The following PLXDC2 variants were observed in gnomAD, a reference collection of about 807,000 sequenced individuals.
PLXDC2 encodes the protein plexin domain containing 2.
A neutral mutation model predicts 68.9 loss-of-function variants in PLXDC2; 40 were observed. The observed-to-expected ratio is 0.58, with a 90% CI of 0.45 to 0.76. PLXDC2 has a LOEUF of 0.76. PLXDC2 is among the 30% of genes least tolerant of loss of function. The pLI, the probability that PLXDC2 is intolerant of heterozygous loss-of-function variation, is 0.00. For missense variants in PLXDC2, 644 were observed against 661.9 expected, an observed-to-expected ratio of 0.97 and a Z score of 0.30; for synonymous variants, 243 against 234.2, an observed-to-expected ratio of 1.04 and a Z score of -0.34.
intron 1 of PLXDC2, among the ~76,000 whole-genome samples, chr10:19,874,827 G>A (rs537034186): frequency 1.6e-4 from 24 of 152,246 alleles, no homozygotes; most frequent in African/African-American, 3.9e-4. Flanking sequence ...TAGGGGACCC[G>A]GGGGATATCT....
At chr10:19,819,351 T>C (rs779452030) in intron 1 of PLXDC2, among the ~76,000 whole-genome samples, 6 of 152,210 alleles carry the variant, frequency 3.9e-5, no homozygotes, top group Non-Finnish European at 7.3e-5. Context: ...CTGGACATCA[T>C]TTACATGTAG....
chr10:20,171,404 G>A (rs951491057), intron 7 of PLXDC2, among the ~76,000 whole-genome samples: 1 of 152,060 alleles, frequency 6.6e-6, no homozygotes, highest in Non-Finnish European at 1.5e-5. Context: ...AATTTCATTA[G>A]GTGCTTACAT....
intron 2 of PLXDC2, among the ~76,000 whole-genome samples, chr10:20,002,984 T>A (rs189130004): frequency 1.3e-5 from 2 of 152,094 alleles, no homozygotes; most frequent in East Asian, 3.9e-4. Flanking sequence ...TGACTGTGAG[T>A]TATTCTTTAT....
chr10:19,999,835 G>C (rs1834903714), intron 1 of PLXDC2, among the ~76,000 whole-genome samples: 1 of 152,180 alleles, frequency 6.6e-6, no homozygotes, highest in Admixed American at 6.5e-5. Context: ...GTAGGTCTCA[G>C]AGCCTGACAC....
At chr10:19,977,771 C>G (rs1012452596) in intron 1 of PLXDC2, among the ~76,000 whole-genome samples, 5 of 152,000 alleles carry the variant, frequency 3.3e-5, no homozygotes, top group African/African-American at 1.2e-4. Context: ...ATGTGTCTTT[C>G]TTTTTTTTAT....
intron 1 of PLXDC2, among the ~76,000 whole-genome samples, chr10:19,868,254 G>T (rs565049774): frequency 8.6e-4 from 130 of 151,970 alleles, no homozygotes; most frequent in African/African-American, 2.3e-3. Flanking sequence ...TAGTTTTTTT[G>T]ATCCTCTCTC....
At chr10:20,163,857 C>T (rs1217834801) in intron 6 of PLXDC2, among the ~76,000 whole-genome samples, 3 of 152,096 alleles carry the variant, frequency 2.0e-5, no homozygotes, top group African/African-American at 7.2e-5. Flanking sequence ...GATTCAAATA[C>T]AAGAACTGTG....
intron 9 of PLXDC2, among the ~76,000 whole-genome samples, chr10:20,208,980 T>C (rs1212361451): frequency 6.6e-6 from 1 of 151,974 alleles, no homozygotes; most frequent in African/African-American, 2.4e-5. Flanking sequence ...AGAGATCACA[T>C]GCTTCAGAAG....
intron 4 of PLXDC2, among the ~76,000 whole-genome samples, chr10:20,112,996 C>G (rs1162833367): frequency 1.3e-5 from 2 of 152,170 alleles, no homozygotes; most frequent in Non-Finnish European, 2.9e-5. Flanking sequence ...TGTGTTCATG[C>G]ATCTTCATCT....
intron 2 of PLXDC2, among the ~76,000 whole-genome samples, chr10:20,027,622 T>C (rs955115609): frequency 6.6e-6 from 1 of 150,894 alleles, no homozygotes; most frequent in African/African-American, 2.4e-5. Context: ...TATCTCAACA[T>C]GATGCAGCTT....
chr10:19,914,482 T>G (rs1343703062), intron 1 of PLXDC2, among the ~76,000 whole-genome samples: 2 of 152,218 alleles, frequency 1.3e-5, no homozygotes, highest in Non-Finnish European at 2.9e-5. Flanking sequence ...CAATCTTCCA[T>G]AATGCTCATG....
intron 9 of PLXDC2, among the ~76,000 whole-genome samples, chr10:20,196,827 T>TC (rs1338924177): frequency 1.3e-5 from 2 of 152,190 alleles, no homozygotes; most frequent in East Asian, 3.9e-4. Context: ...TTGCACTTTT[T>TC]CCCTCTCTTC....
At chr10:19,829,154 CTTTTTTTTT>C (rs71388870) in intron 1 of PLXDC2, among the ~76,000 whole-genome samples, 16 of 94,414 alleles carry the variant, frequency 1.7e-4, no homozygotes, top group Admixed American at 7.7e-4. Flanking sequence ...ACGCTTTCCT[CTTTTTTTTT>C]TTTTTTTTTT....
At chr10:20,212,132 G>A (rs1332262258) in intron 10 of PLXDC2, among the ~76,000 whole-genome samples, 1 of 151,938 alleles carries the variant, frequency 6.6e-6, no homozygotes, top group Non-Finnish European at 1.5e-5. Flanking sequence ...GGAGAGTCAG[G>A]TAAATGGCTA....
At chr10:20,233,370 T>A (rs2359339) in intron 12 of PLXDC2, among the ~76,000 whole-genome samples, 131,750 of 150,906 alleles carry the variant, frequency 0.87, 57,959 homozygotes, top group Middle Eastern at 0.95. Flanking sequence ...TACAAAAATT[T>A]AAAAAAAGTA....
chr10:20,122,078 G>A (rs928477774), intron 4 of PLXDC2, among the ~76,000 whole-genome samples: 1 of 151,860 alleles, frequency 6.6e-6, no homozygotes, highest in Admixed American at 6.6e-5. Flanking sequence ...GCCATGAGAT[G>A]TAACTGTAAT....
intron 1 of PLXDC2, among the ~76,000 whole-genome samples, chr10:19,903,479 A>G (rs1838191804): frequency 6.6e-6 from 1 of 151,782 alleles, no homozygotes; most frequent in African/African-American, 2.4e-5. Flanking sequence ...TGCTCACAGT[A>G]CCCTTGAATA....
chr10:20,115,648 T>G (rs767216329), intron 4 of PLXDC2, among the ~76,000 whole-genome samples: 1 of 152,190 alleles, frequency 6.6e-6, no homozygotes, highest in African/African-American at 2.4e-5. Flanking sequence ...GATTAGACAA[T>G]GAACTCTAGA....
At chr10:19,817,832 G>T (rs1836384457) in intron 1 of PLXDC2, among the ~76,000 whole-genome samples, 1 of 152,216 alleles carries the variant, frequency 6.6e-6, no homozygotes, top group South Asian at 2.1e-4. Flanking sequence ...TCCTCCGCCT[G>T]CCAGCTTCAC....
Sources: gnomAD v4.1 joint callset for allele counts (sites outside exome capture counted in the v4.1 genomes callset) on GRCh38, gnomAD v4.1.1 for gene constraint, MANE v1.5 for transcripts, NCBI Gene and HGNC (gene_info 2026-07-23, HGNC 2026-07-21) for gene names.